The following FAS variants were observed in gnomAD, a reference collection of about 807,000 sequenced individuals.
FAS encodes Fas cell surface death receptor, also known as tumor necrosis factor receptor superfamily member 6.
A neutral mutation model predicts 33.2 loss-of-function variants in FAS; 5 were observed. The observed-to-expected ratio is 0.15, with a 90% confidence interval of 0.08 to 0.32. FAS has a LOEUF of 0.32. Among genes scored for constraint, FAS ranks in the 10% least tolerant of loss-of-function variants. FAS has a pLI of 1.00. For missense variants in FAS, 339 were observed against 386.0 expected (o/e 0.88, Z 1.02); for synonymous variants, 131 against 130.7 (o/e 1.00, Z -0.01).
chr10:88,984,962 G>A (rs893771930), upstream of FAS, among the ~76,000 whole-genome samples: 1 of 152,196 alleles, frequency 6.6e-6, no homozygotes, highest in Non-Finnish European at 1.5e-5. Flanking sequence ...AGCCTAGTGA[G>A]GAGGAAAGCA....
At chr10:89,006,117 A>G (rs1848215312) in intron 2 of FAS, among the ~76,000 whole-genome samples, 1 of 152,226 alleles carries the variant, frequency 6.6e-6, no homozygotes, top group East Asian at 1.9e-4. Context: ...CCTGTGGTTT[A>G]CTGTATCTCC....
rs774602875 is a variant in FAS at position 89,015,965 on chromosome 10, A to C, written c.*1515A>C. The C allele has an allele frequency of 3.3e-5, 9 of 272,518 alleles. No individual in the cohort carries two copies. Among genetic ancestry groups the C allele is most frequent in the Non-Finnish European group, 6.4e-5 (9 of 141,322 alleles). The allele number at this position is 272,518 out of a possible 1,614,324, so 16.9% of individuals were successfully genotyped here. ...TTTCCATAGGTTGCTATTGCCAAGA[A>C]GACCTCTTCCAAACAGCACATGATT... On this transcript the variant is annotated 3_prime_UTR_variant, in exon 9 of 9. Transcript: ENST00000652046.
chr10:88,982,458 C>T (rs1319180753), upstream of FAS, among the ~76,000 whole-genome samples: 1 of 150,854 alleles, frequency 6.6e-6, no homozygotes, highest in Non-Finnish European at 1.5e-5. Context: ...GAAAGGAAGA[C>T]ATAAATGGCA....
At chr10:88,986,710 T>C (rs1846899633), upstream of FAS, among the ~76,000 whole-genome samples, 1 of 151,664 alleles carries the variant, frequency 6.6e-6, no homozygotes, top group Non-Finnish European at 1.5e-5. Context: ...AAGGAAGTGG[T>C]ACAGGAAGGA....
rs1848697295 is a variant in FAS, at chr10:89,014,539, T to A, written c.*89T>A. 4.1e-6 allele frequency: 5 copies of A among 1,210,930 alleles called. No homozygotes were observed. Among genetic ancestry groups the A allele is most frequent in the Non-Finnish European group, 5.9e-6 (5 of 845,538 alleles). 75.0% of individuals were successfully genotyped at this position (1,210,930 alleles called of 1,614,324 possible). Reference sequence around the variant, plus strand: ...CTGGCTGTAAATACTGCTTGGTTTTTTACTGGGTACATTTTATCATTTATT... The same window carrying A: ...CTGGCTGTAAATACTGCTTGGTTTTATACTGGGTACATTTTATCATTTATT... On this transcript the variant is annotated 3_prime_UTR_variant, in exon 9 of 9. Coordinates refer to ENST00000652046, the MANE Select transcript of FAS (RefSeq NM_000043.6).
intron 1 of FAS, among the ~76,000 whole-genome samples, chr10:88,969,337 C>T (rs1001277743): frequency 6.6e-6 from 1 of 152,194 alleles, no homozygotes; most frequent in African/African-American, 2.4e-5. Flanking sequence ...AGTATTTCCA[C>T]ATTCTGCTAT....
intron 6 of FAS, 176 bp downstream of exon 6, chr10:89,010,991 C>A: frequency 1.4e-6 from 1 of 735,336 alleles, no homozygotes. Context: ...GAAATTATTC[C>A]TCAGCTAGTT....
chr10:89,008,787 T>G, intron 3 of FAS, 102 bp from the exon 4 acceptor site: 1 of 1,002,460 alleles, frequency 1.0e-6, no homozygotes. Flanking sequence ...ACTGTTGATA[T>G]AAGCAGTGGA....
At chr10:88,975,082 T>C (rs1461695924) in intron 2 of FAS, 1 of 152,172 alleles carries the variant, frequency 6.6e-6, no homozygotes, top group Non-Finnish European at 1.5e-5. Context: ...TTAACTGTTA[T>C]TACAGGTTGT....
rs781677949 is a variant in FAS, at chr10:88,990,940, C to T, written c.30+34C>T. The T allele has an allele frequency of 5.6e-5, 90 of 1,613,944 alleles. No individual in the cohort carries two copies. The South Asian group carries it at 9.1e-4, about 16-fold the overall frequency. ...TCTCCTGCCCGGGTGGAGGCTTACC[C>T]CGTCTTAGTCCCGGGGATAGGCAAA... On this transcript the variant is annotated intron_variant, in intron 1 of 8. Coordinates refer to ENST00000652046, the MANE Select transcript of FAS (RefSeq NM_000043.6). This position sits in a 1 kb window ranked among gnomAD's most constrained non-coding sequence, Gnocchi z 4.9.
rs114658485 is a variant in FAS, at chr10:89,014,195, G to T, written c.753G>T (p.Lys251Asn). The change falls in exon 9 of 9, where the codon AAG (lysine) becomes AAT (asparagine). Residue 251 changes from lysine (K) to asparagine (N), a missense_variant. Lys to Asn is a moderately conservative substitution (Grantham distance 94). Coordinates refer to ENST00000652046, the MANE Select transcript of FAS (RefSeq NM_000043.6). ...GTCAAGTTAAAGGCTTTGTTCGAAA[G>T]AATGGTGTCAATGAAGCCAAAATAG... ...TLSQVKGFVR[K>N]NGVNEAKIDE... 6.2e-7 allele frequency: 1 copy of T among 1,613,896 alleles called. No individual in the cohort carries two copies. The highest frequency in any genetic ancestry group is 1.1e-5 in the South Asian group (1 of 91,080).
chr10:88,989,423 G>T, upstream of FAS: 1 of 521,632 alleles, frequency 1.9e-6, no homozygotes, highest in Non-Finnish European at 3.8e-6. Context: ...TACAGAGAAT[G>T]CCCATATACC....
chr10:89,010,824 T>C lies in FAS; in HGVS notation c.568+9T>C, dbSNP rs1271098301. On this transcript the variant is annotated intron_variant, in intron 6 of 8. Coordinates refer to ENST00000652046, the MANE Select transcript of FAS (RefSeq NM_000043.6). Reference sequence around the variant, plus strand: ...TCCACTAATTGTTTGGGGTAAGTTCTTGCTTTGTTCAAACTGCAGATTGAA... The same window carrying C: ...TCCACTAATTGTTTGGGGTAAGTTCCTGCTTTGTTCAAACTGCAGATTGAA... 1 of 1,614,004 alleles carries C rather than the reference T, an allele frequency of 6.2e-7. No homozygotes were observed. Among genetic ancestry groups the C allele is most frequent in the Non-Finnish European group, 8.5e-7 (1 of 1,179,958 alleles).
chr10:88,983,609 CAAAAAAAAAAAA>C (rs71022549), upstream of FAS, among the ~76,000 whole-genome samples: 4 of 46,456 alleles, frequency 8.6e-5, no homozygotes, highest in East Asian at 1.7e-3. Flanking sequence ...ACAGGTTATG[CAAAAAAAAAAAA>C]AAAAAAAAAA....
intron 1 of FAS, among the ~76,000 whole-genome samples, chr10:88,967,944 T>A (rs1846349802): frequency 6.6e-6 from 1 of 152,212 alleles, no homozygotes; most frequent in Non-Finnish European, 1.5e-5. Flanking sequence ...ATGATTATCA[T>A]ACTTCAAGTT....
At position 89,008,929 on chromosome 10, in the gene FAS, C is replaced by A; in HGVS notation, c.375C>A (p.Thr125=). Residue 125 remains threonine, a synonymous_variant, in exon 4 of 9, where the codon ACC becomes ACA. Coordinates refer to ENST00000652046, the MANE Select transcript of FAS (RefSeq NM_000043.6). ...TAAACTGCACCCGGACCCAGAATAC[C>A]AAGTGCAGATGTAAACCAAACTTTT... is the stretch of plus-strand genomic sequence containing the variant. The part of the protein sequence containing the change: ...VEINCTRTQN[T]KCRCKPNFFC... The A allele has an allele frequency of 4.3e-6, 7 of 1,613,944 alleles. No homozygotes were observed. Among genetic ancestry groups the A allele is most frequent in the Non-Finnish European group, 5.9e-6 (7 of 1,179,886 alleles).
At position 89,011,994 on chromosome 10, in the gene FAS, T is replaced by G. The variant is rs1848552976; in HGVS notation, c.569-5T>G. On this transcript the variant is annotated splice_polypyrimidine_tract_variant and splice_region_variant and intron_variant, in intron 6 of 8. Coordinates refer to ENST00000652046, the MANE Select transcript of FAS (RefSeq NM_000043.6). Reference sequence around the variant, plus strand: ...TGAGTTGATAAAATTTCTTTGTTCTTTCAGTGAAGAGAAAGGAAGTACAGA... The same window carrying G: ...TGAGTTGATAAAATTTCTTTGTTCTGTCAGTGAAGAGAAAGGAAGTACAGA... 6.2e-7 allele frequency: 1 copy of G among 1,613,470 alleles called. No individual in the cohort carries two copies. The highest frequency in any genetic ancestry group is 1.7e-5 in the Admixed American group (1 of 59,978).
At chr10:88,988,970 G>A (rs1365258428), upstream of FAS, among the ~76,000 whole-genome samples, 9 of 152,182 alleles carry the variant, frequency 5.9e-5, no homozygotes, top group East Asian at 1.9e-4. Context: ...ATAATTAGAC[G>A]TACGTGGGCA....
chr10:88,967,957 T>C (rs1408565533), intron 1 of FAS, among the ~76,000 whole-genome samples: 3 of 152,222 alleles, frequency 2.0e-5, no homozygotes, highest in Admixed American at 6.5e-5. Context: ...TTCAAGTTTA[T>C]GGCTTATCCA....
Sources: allele counts gnomAD v4.1 joint callset (sites outside exome capture counted in the v4.1 genomes callset), GRCh38; gene constraint gnomAD v4.1.1; non-coding constraint Gnocchi (gnomAD v3.1); transcripts MANE v1.5; gene names NCBI Gene and HGNC (gene_info 2026-07-23, HGNC 2026-07-21).